HAMP: variants seen among roughly 807,000 people sequenced by gnomAD.
The protein encoded by HAMP is hepcidin antimicrobial peptide.
HAMP carries 5 observed loss-of-function variants against 7.8 expected under a neutral mutation model. The observed-to-expected ratio is 0.64, with a 90% confidence interval of 0.33 to 1.34. The LOEUF (loss-of-function observed/expected upper bound fraction) is 1.34. Among genes scored for constraint, HAMP ranks in the 40% most tolerant of loss-of-function variants. HAMP has a pLI of 0.05. For missense variants in HAMP, 105 were observed against 104.1 expected (o/e 1.01, Z -0.04); for synonymous variants, 52 against 38.6 (o/e 1.35, Z -1.28).
chr19:35,284,726 G>C (rs1043451501), intron 1 of HAMP, 63 bp from the exon 2 acceptor site: 2 of 1,275,648 alleles, frequency 1.6e-6, no homozygotes, highest in East Asian at 2.3e-5. Flanking sequence ...AGGTTGCCGG[G>C]AGCCAGTCTC....
At chr19:35,284,376 T>G (rs1599640465) in intron 1 of HAMP, 1 of 232,972 alleles carries the variant, frequency 4.3e-6, no homozygotes, top group African/African-American at 2.3e-5. Flanking sequence ...GCACAGGAGG[T>G]CAAGGCTGCA....
rs759446782 is a variant in HAMP, at chr19:35,284,771, C to G, written c.91-18C>G. On this transcript the variant is annotated intron_variant, in intron 1 of 2. Transcript: ENST00000222304. ...CTGGGCCCCCTGCCATCCTCTGCAC[C>G]CCCTTCTGCTTTCACAGACGGGACA... The G allele has an allele frequency of 6.2e-7, 1 of 1,608,070 alleles. No homozygotes were observed. Among genetic ancestry groups the G allele is most frequent in the African/African-American group, 1.3e-5 (1 of 74,926 alleles).
At chr19:35,282,736 C>T in intron 1 of HAMP, 69 bp downstream of exon 1, 1 of 1,195,274 alleles carries the variant, frequency 8.4e-7, no homozygotes, top group Admixed American at 1.7e-5. Flanking sequence ...CAGCCTAGGG[C>T]ACTGGAGACA....
Position 35,284,968 on chromosome 19 carries a change from A to T in HAMP, c.181A>T (p.Thr61Ser), listed in dbSNP as rs747202846. The change falls in exon 3 of 3, where the codon ACC becomes TCC. Residue 61 changes from threonine to serine, a missense_variant. Physicochemically the swap from Thr to Ser is moderately conservative, Grantham distance 58 (BLOSUM62 1). Transcript: ENST00000222304. The stretch of plus-strand genomic sequence containing the variant: ...GTTCCAGAGGCGAAGGAGGCGAGAC[A>T]CCCACTTCCCCATCTGCATTTTCTG... ...PMFQRRRRRDTHFPICIFCCG... is the reference protein window; with the variant it reads ...PMFQRRRRRDSHFPICIFCCG... 3 of 1,613,546 alleles carry T rather than the reference A, an allele frequency of 1.9e-6. No individual in the cohort carries two copies. In the African/African-American group the frequency reaches 4.0e-5, roughly 22 times the overall value.
At chr19:35,283,935 C>G (rs1480399599) in intron 1 of HAMP, 1 of 152,106 alleles carries the variant, frequency 6.6e-6, no homozygotes, top group Admixed American at 6.6e-5. Context: ...GCTGGGATTA[C>G]AGGCGGCTGC....
At position 35,285,084 on chromosome 19, in the gene HAMP, T is replaced by C. The variant is rs200699506; in HGVS notation, c.*42T>C. The stretch of plus-strand genomic sequence containing the variant: ...CCCCGTCCCCTCCCTTCCTTATTTA[T>C]TCCTGCTGCCCCAGAACATAGGTCT... On this transcript the variant is annotated 3_prime_UTR_variant, in exon 3 of 3. Transcript: ENST00000222304. 8.1e-7 allele frequency: 1 copy of C among 1,231,024 alleles called. No homozygotes were observed. The highest frequency in any genetic ancestry group is 2.3e-5 in the East Asian group (1 of 43,174). 76.3% of individuals were successfully genotyped at this position (1,231,024 alleles called of 1,614,324 possible). A position where few individuals can be genotyped will look rare whatever the true frequency, so the allele number is the denominator to read the frequency against.
At position 35,282,570 on chromosome 19, in the gene HAMP, A is replaced by G; in HGVS notation, c.-8A>G. On this transcript the variant is annotated 5_prime_UTR_variant, in exon 1 of 3. Transcript: ENST00000222304. ...ACCCAGCAGTGGGACAGCCAGACAG[A>G]CGGCACGATGGCACTGAGCTCCCAG... is the stretch of plus-strand genomic sequence containing the variant. The G allele has an allele frequency of 6.2e-7, 1 of 1,612,496 alleles. No individual in the cohort carries two copies. The highest frequency in any genetic ancestry group is 1.1e-5 in the South Asian group (1 of 91,054).
chr19:35,282,587 A>G lies in HAMP; in HGVS notation c.10A>G (p.Ser4Gly), dbSNP rs2066308718. The G allele has an allele frequency of 6.2e-7, 1 of 1,613,866 alleles. No individual in the cohort carries two copies. The highest frequency in any genetic ancestry group is 8.5e-7 in the Non-Finnish European group (1 of 1,179,804). The change falls in exon 1 of 3, where the codon AGC (serine) becomes GGC (glycine). Residue 4 changes from serine to glycine, a missense_variant. Ser to Gly is a moderately conservative substitution (Grantham distance 56). Transcript: ENST00000222304. MAL[S>G]SQIWAACLLL... ...CCAGACAGACGGCACGATGGCACTGAGCTCCCAGATCTGGGCCGCTTGCCT... is the reference window on the plus strand; with the variant it reads ...CCAGACAGACGGCACGATGGCACTGGGCTCCCAGATCTGGGCCGCTTGCCT...
chr19:35,284,774 C>A lies in HAMP; in HGVS notation c.91-15C>A. ...GGCCCCCTGCCATCCTCTGCACCCC[C>A]TTCTGCTTTCACAGACGGGACAACT... On this transcript the variant is annotated splice_polypyrimidine_tract_variant and intron_variant, in intron 1 of 2. Coordinates refer to ENST00000222304, the MANE Select transcript of HAMP (RefSeq NM_021175.4). The A allele has an allele frequency of 6.2e-7, 1 of 1,611,548 alleles. No individual in the cohort carries two copies. The highest frequency in any genetic ancestry group is 1.3e-5 in the African/African-American group (1 of 74,966).
At chr19:35,284,709 GA>G in intron 1 of HAMP, 79 bp from the exon 2 acceptor site, 1 of 1,045,498 alleles carries the variant, frequency 9.6e-7, no homozygotes, top group Admixed American at 1.7e-5. Flanking sequence ...ACCACTTGGA[GA>G]GGAGCAGGTT....
At chr19:35,284,724 G>A (rs529780083) in intron 1 of HAMP, 65 bp from the exon 2 acceptor site, 31 of 1,255,190 alleles carry the variant, frequency 2.5e-5, no homozygotes, top group East Asian at 6.9e-5. Flanking sequence ...GCAGGTTGCC[G>A]GGAGCCAGTC....
chr19:35,283,447 C>G (rs1006734234), intron 1 of HAMP: 1 of 152,268 alleles, frequency 6.6e-6, no homozygotes, highest in Non-Finnish European at 1.5e-5. Context: ...AGTCATAGTT[C>G]ACTGCAGCCT....
chr19:35,284,728 G>A (rs1194110140), intron 1 of HAMP, 61 bp from the exon 2 acceptor site: 2 of 1,300,890 alleles, frequency 1.5e-6, no homozygotes, highest in East Asian at 4.6e-5. Context: ...GTTGCCGGGA[G>A]CCAGTCTCAG....
intron 1 of HAMP, 88 bp from the exon 2 acceptor site, chr19:35,284,701 C>A: frequency 1.0e-6 from 1 of 987,368 alleles, no homozygotes; most frequent in Non-Finnish European, 1.6e-6. Flanking sequence ...GGGTTTAAAC[C>A]ACTTGGAGAG....
intron 1 of HAMP, chr19:35,283,331 T>C (rs2066312056): frequency 6.4e-6 from 1 of 157,140 alleles, no homozygotes; most frequent in Admixed American, 6.1e-5. Context: ...TAACAGACAG[T>C]GGTAGAGTGA....
At chr19:35,283,796 C>CT (rs35629861) in intron 1 of HAMP, 34,651 of 141,568 alleles carry the variant, frequency 0.24, 4,366 homozygotes, top group African/African-American at 0.3. Context: ...CCCCCATAAG[C>CT]TTTTTTTTTT....
Position 35,282,666 on chromosome 19 carries a change from A to T in HAMP, c.89A>T (p.Gln30Leu). The T allele has an allele frequency of 6.2e-7, 1 of 1,612,518 alleles. No individual in the cohort carries two copies. Among genetic ancestry groups the T allele is most frequent in the South Asian group, 1.1e-5 (1 of 91,046 alleles). Residue 30 changes from glutamine (Q) to leucine (L), a missense_variant and splice_region_variant, in exon 1 of 3, where the codon CAG becomes CTG. Gln to Leu is a moderately radical substitution (Grantham distance 113). Coordinates refer to ENST00000222304, the MANE Select transcript of HAMP (RefSeq NM_021175.4). ...ACCAGTGGCTCTGTTTTCCCACAACAGGTGAGAGCCCAGTGGCCTGGGTCC... is the reference window on the plus strand; with the variant it reads ...ACCAGTGGCTCTGTTTTCCCACAACTGGTGAGAGCCCAGTGGCCTGGGTCC... ...SLTSGSVFPQQTGQLAELQPQ... is the reference protein window; with the variant it reads ...SLTSGSVFPQLTGQLAELQPQ...
In HAMP at chr19:35,282,541, C is replaced by T. The variant is rs773869217; in HGVS notation, c.-37C>T. 23 of 1,555,012 alleles carry T rather than the reference C, an allele frequency of 1.5e-5. No homozygotes were observed. The highest frequency in any genetic ancestry group is 2.0e-5 in the Non-Finnish European group (22 of 1,126,354). The stretch of plus-strand genomic sequence containing the variant: ...TCGGTCCCAGACACCAGAGCAAGCT[C>T]AAGACCCAGCAGTGGGACAGCCAGA... On this transcript the variant is annotated 5_prime_UTR_variant, in exon 1 of 3. Coordinates refer to ENST00000222304, the MANE Select transcript of HAMP (RefSeq NM_021175.4).
At position 35,285,003 on chromosome 19, in the gene HAMP, C is replaced by T. The variant is rs763369315; in HGVS notation, c.216C>T (p.Cys72=). The T allele has an allele frequency of 3.7e-6, 6 of 1,613,984 alleles. No homozygotes were observed. In the South Asian group the frequency reaches 5.5e-5, roughly 15 times the overall value. Residue 72 remains cysteine (C), a synonymous_variant, in exon 3 of 3, where the codon TGC becomes TGT. Coordinates refer to ENST00000222304, the MANE Select transcript of HAMP (RefSeq NM_021175.4). ...CCATCTGCATTTTCTGCTGCGGCTG[C>T]TGTCATCGATCAAAGTGTGGGATGT... ...HFPICIFCCG[C]CHRSKCGMCC...
Sources: gnomAD v4.1 joint callset for allele counts on GRCh38, gnomAD v4.1.1 for gene constraint, MANE v1.5 for transcripts, NCBI Gene and HGNC (gene_info 2026-07-23, HGNC 2026-07-21) for gene names.